Variants in STIL observed in about 807,000 individuals in gnomAD.
STIL encodes the protein SCL-interrupting locus protein.
In STIL, 55 loss-of-function variants were observed where a neutral mutation model predicts 110.1. The observed-to-expected ratio is 0.50, with a 90% CI of 0.40 to 0.63. The LOEUF (loss-of-function observed/expected upper bound fraction) is 0.63. STIL is among the 20% of genes least tolerant of loss of function. STIL has a pLI of 0.00. For synonymous variants in STIL, 481 were observed against 530.0 expected (o/e 0.91, Z 1.27); for missense variants, 1,358 against 1,530.0 (o/e 0.89, Z 1.87).
At position 47,305,009 on chromosome 1, in the gene STIL, C is replaced by A; in HGVS notation, c.45-13G>T. On this transcript the variant is annotated splice_polypyrimidine_tract_variant and intron_variant, in intron 2 of 16. Transcript: ENST00000371877. ...GCTTGAAGGAAACCTTTTGAAAAAA[C>A]AATGTAAAATTAAAGCACAAGGAAT... The A allele has an allele frequency of 6.2e-7, 1 of 1,602,024 alleles. No individual in the cohort carries two copies. The highest frequency in any genetic ancestry group is 8.6e-7 in the Non-Finnish European group (1 of 1,169,424).
rs765055866 is a variant in STIL, at chr1:47,289,623, G to T, written c.873-38C>A. Reference sequence around the variant, plus strand: ...AGTCATTTAATTAAAATTTAATGAGGATAACATGATGACACTCAAATAACT... The same window carrying T: ...AGTCATTTAATTAAAATTTAATGAGTATAACATGATGACACTCAAATAACT... On this transcript the variant is annotated intron_variant, in intron 8 of 16. Coordinates refer to ENST00000371877, the MANE Select transcript of STIL (RefSeq NM_001048166.1). 7.1e-6 allele frequency: 11 copies of T among 1,553,066 alleles called. No individual in the cohort carries two copies. In the South Asian group the frequency reaches 1.1e-4, roughly 16 times the overall value.
intron 10 of STIL, 88 bp downstream of exon 10, chr1:47,287,463 C>A: frequency 1.2e-6 from 1 of 826,000 alleles, no homozygotes; most frequent in Non-Finnish European, 1.9e-6. Context: ...ATCATTTCAT[C>A]AGAAATAATT....
chr1:47,301,747 A>T lies in STIL; in HGVS notation c.267T>A (p.Asp89Glu), dbSNP rs766925193. The T allele has an allele frequency of 9.9e-6, 16 of 1,613,764 alleles. No individual in the cohort carries two copies. In the African/African-American group the frequency reaches 1.6e-4, roughly 16 times the overall value. ...FLLGSLTADE[D>E]EEGVTLTVDR... ...CTACTGTCAATGTTACACCTTCTTC[A>T]TCTGTAGAACAAAAATAACAGCTAT... Residue 89 changes from aspartate to glutamate, a missense_variant and splice_region_variant, in exon 5 of 17, where the codon GAT becomes GAA. Physicochemically the swap from Asp to Glu is conservative, Grantham distance 45. Transcript: ENST00000371877.
At position 47,265,252 on chromosome 1, in the gene STIL, A is replaced by AAAC. The variant is rs1444104041; in HGVS notation, c.2616-2137_2616-2136insGTT. On this transcript the variant is annotated intron_variant, in intron 14 of 16. Coordinates refer to ENST00000371877, the MANE Select transcript of STIL (RefSeq NM_001048166.1). ...CTCCATCTCCCAAAAAAAAAAAAAAAAAAAAAAACACAAGATTGGATATTT... is the reference window on the plus strand; with the variant it reads ...CTCCATCTCCCAAAAAAAAAAAAAAAAACAAAAAAAACACAAGATTGGATATTT... Among the ~76,000 whole-genome samples, 356 of 150,594 alleles carry AAAC rather than the reference A, an allele frequency of 2.4e-3. 8 individuals are homozygous for AAAC. Among genetic ancestry groups the AAAC allele is most frequent in the Non-Finnish European group, 3.8e-3 (259 of 67,636 alleles).
chr1:47,278,019 AC>A (rs1645040396), intron 12 of STIL, among the ~76,000 whole-genome samples: 1 of 152,144 alleles, frequency 6.6e-6, no homozygotes, highest in Non-Finnish European at 1.5e-5. Context: ...CACTCTCTTA[AC>A]CCTTACACCA....
In STIL at chr1:47,287,496, C is replaced by T. The variant is rs1645337503; in HGVS notation, c.1133+55G>A. 5 of 1,153,950 alleles carry T rather than the reference C, an allele frequency of 4.3e-6. No homozygotes were observed. The Admixed American group carries it at 1.1e-4, about 26-fold the overall frequency. The allele number at this position is 1,153,950 out of a possible 1,614,324, so 71.5% of individuals were successfully genotyped here. A position where few individuals can be genotyped will look rare whatever the true frequency, so the allele number is the denominator to read the frequency against. On this transcript the variant is annotated intron_variant, in intron 10 of 16. Coordinates refer to ENST00000371877, the MANE Select transcript of STIL (RefSeq NM_001048166.1). ...ATTTAGTTATTTTACTCACCAAAAA[C>T]TAATAAATATAATTTTTAAAAAAAC...
intron 2 of STIL, among the ~76,000 whole-genome samples, chr1:47,306,457 T>C (rs1233011852): frequency 6.6e-6 from 1 of 152,140 alleles, no homozygotes; most frequent in Admixed American, 6.6e-5. Flanking sequence ...TCCTGCTATG[T>C]TTCCCAGGCT....
At chr1:47,270,235 A>AT (rs1553172305) in intron 13 of STIL, among the ~76,000 whole-genome samples, 2,013 of 102,100 alleles carry the variant, frequency 0.02, 90 homozygotes, top group African/African-American at 0.073. Flanking sequence ...CTCAAAAAAA[A>AT]AAAAAAATAT....
chr1:47,255,850 C>A lies in STIL; in HGVS notation c.3081-3928G>T, dbSNP rs968602595. On this transcript the variant is annotated intron_variant, in intron 16 of 16. Transcript: ENST00000371877. ...TGCCTTTAGACTCTCTTAATCTCTGCGGCATTCTATTAACAGGAAAATAGA... is the reference window on the plus strand; with the variant it reads ...TGCCTTTAGACTCTCTTAATCTCTGAGGCATTCTATTAACAGGAAAATAGA... Among the ~76,000 whole-genome samples the A allele has an allele frequency of 2.6e-5, 4 of 152,176 alleles. No individual in the cohort carries two copies. In the South Asian group the frequency reaches 8.3e-4, roughly 32 times the overall value.
intron 9 of STIL, 79 bp downstream of exon 9, chr1:47,289,356 G>T (rs1006216551): frequency 1.7e-6 from 2 of 1,167,116 alleles, no homozygotes; most frequent in Non-Finnish European, 2.5e-6. Context: ...ATTTTAAAGG[G>T]TAAAAGCTGT....
chr1:47,286,164 T>C (rs892886497), intron 10 of STIL, among the ~76,000 whole-genome samples: 9 of 152,110 alleles, frequency 5.9e-5, no homozygotes, highest in African/African-American at 2.2e-4. Flanking sequence ...CGTGAGCCAC[T>C]GCACCCAGCA....
Position 47,299,999 on chromosome 1 carries a change from G to A in STIL, c.607C>T (p.Pro203Ser), listed in dbSNP as rs2149181563. Residue 203 changes from proline (P) to serine (S), a missense_variant, in exon 6 of 17, where the codon CCT (proline) becomes TCT (serine). Pro to Ser is a moderately conservative substitution (Grantham distance 74). Transcript: ENST00000371877. ...VTLANNFKCTPVKPIPIIPTA... is the reference protein window; with the variant it reads ...VTLANNFKCTSVKPIPIIPTA... The stretch of plus-strand genomic sequence containing the variant: ...GGAATAATGGGGATGGGCTTCACAG[G>A]TGTGCATTTAAAGTTATTTGCTAGA... 6.2e-7 allele frequency: 1 copy of A among 1,614,096 alleles called. No individual in the cohort carries two copies. The highest frequency in any genetic ancestry group is 8.5e-7 in the Non-Finnish European group (1 of 1,180,004).
chr1:47,291,537 A>G (rs1356007329), intron 8 of STIL, among the ~76,000 whole-genome samples: 2 of 151,554 alleles, frequency 1.3e-5, no homozygotes, highest in East Asian at 3.9e-4. Flanking sequence ...TATTTATTTT[A>G]TTTATTCTGT....
At chr1:47,289,669 A>C in intron 8 of STIL, 84 bp from the exon 9 acceptor site, 1 of 1,339,662 alleles carries the variant, frequency 7.5e-7, no homozygotes, top group African/African-American at 1.5e-5. Flanking sequence ...CTCCCAATCT[A>C]GTTAACAAAA....
At chr1:47,287,058 C>A (rs1352408195) in intron 10 of STIL, among the ~76,000 whole-genome samples, 13 of 152,002 alleles carry the variant, frequency 8.6e-5, no homozygotes. Context: ...TCTGATAGGT[C>A]CAGATTTAAA....
intron 6 of STIL, 42 bp from the exon 7 acceptor site, chr1:47,295,890 ACT>A (rs1183281462): frequency 1.4e-6 from 2 of 1,387,906 alleles, no homozygotes; most frequent in Non-Finnish European, 2.0e-6. Context: ...GAAATTATGT[ACT>A]TTTTACCTAA....
intron 2 of STIL, among the ~76,000 whole-genome samples, chr1:47,306,170 A>C (rs1645956468): frequency 6.6e-6 from 1 of 152,206 alleles, no homozygotes. Flanking sequence ...AAAAAGAACA[A>C]GACAATCCTA....
chr1:47,299,223 T>C (rs1645730999), intron 6 of STIL, among the ~76,000 whole-genome samples: 1 of 151,374 alleles, frequency 6.6e-6, no homozygotes, highest in African/African-American at 2.4e-5. Flanking sequence ...GGCATGCACC[T>C]GTAATCACAG....
intron 14 of STIL, among the ~76,000 whole-genome samples, chr1:47,265,024 T>C (rs970404946): frequency 6.7e-6 from 1 of 149,370 alleles, no homozygotes; most frequent in African/African-American, 2.5e-5. Context: ...TCACTTGAGG[T>C]CAGGAGTTCG....
Sources: allele counts gnomAD v4.1 joint callset (sites outside exome capture counted in the v4.1 genomes callset), GRCh38; gene constraint gnomAD v4.1.1; transcripts MANE v1.5; gene names NCBI Gene and HGNC (gene_info 2026-07-23, HGNC 2026-07-21).